PPP1R1C: variants seen among roughly 807,000 people sequenced by gnomAD.
PPP1R1C encodes protein phosphatase 1 regulatory inhibitor subunit 1C, also known as protein phosphatase 1 regulatory subunit 1C.
In PPP1R1C, 15 loss-of-function variants were observed where a neutral mutation model predicts 17.4. The ratio of observed to expected loss-of-function variants is 0.86; its 90% CI spans 0.58 to 1.33. The LOEUF (loss-of-function observed/expected upper bound fraction) is 1.33. Ranked by LOEUF, PPP1R1C falls within the 40% of genes most tolerant of loss-of-function variation. PPP1R1C has a pLI of 0.00. For missense variants in PPP1R1C, 143 were observed against 130.0 expected (o/e 1.10, Z -0.48); for synonymous variants, 35 against 43.1 (o/e 0.81, Z 0.73).
intron 2 of PPP1R1C, among the ~76,000 whole-genome samples, chr2:182,025,814 C>T (rs1276942240): frequency 6.9e-6 from 1 of 144,968 alleles, no homozygotes; most frequent in East Asian, 2.0e-4. Flanking sequence ...AACTAGTTTA[C>T]AGTCCCACCA....
At chr2:181,964,995 C>A (rs1054275389) in intron 1 of PPP1R1C, among the ~76,000 whole-genome samples, 1 of 152,202 alleles carries the variant, frequency 6.6e-6, no homozygotes, top group Non-Finnish European at 1.5e-5. Flanking sequence ...CGTGAGCCAT[C>A]GCACTCGGCC....
Position 181,962,180 on chromosome 2 carries a change from C to T in PPP1R1C, n.111+7546C>T, listed in dbSNP as rs542118568. The T allele has an allele frequency of 1.3e-5, 10 of 741,730 alleles. No individual in the cohort carries two copies. The highest frequency in any genetic ancestry group is 5.2e-4 in the Middle Eastern group (2 of 3,858). 45.9% of individuals were successfully genotyped at this position (741,730 alleles called of 1,614,324 possible). A position where few individuals can be genotyped will look rare whatever the true frequency, so the allele number is the denominator to read the frequency against. On this transcript the variant is annotated intron_variant and non_coding_transcript_variant, in intron 1 of 5. Coordinates refer to the PPP1R1C transcript ENST00000464264. The surrounding 1 kb of genome is among the most constrained non-coding windows in gnomAD (Gnocchi z 6.0). ...CAGCTTCCGGTTCTTGGTCTCCAGGCTCCTCACTCTGTCCAGGTAGGAGGC... is the reference window on the plus strand; with the variant it reads ...CAGCTTCCGGTTCTTGGTCTCCAGGTTCCTCACTCTGTCCAGGTAGGAGGC...
At chr2:182,055,803 T>C (rs1056505718) in intron 2 of PPP1R1C, among the ~76,000 whole-genome samples, 3 of 152,226 alleles carry the variant, frequency 2.0e-5, no homozygotes, top group Admixed American at 6.5e-5. Flanking sequence ...ACTGCTTTGA[T>C]GTTTTCAAAT....
intron 1 of PPP1R1C, among the ~76,000 whole-genome samples, chr2:181,974,659 T>A (rs530431105): frequency 2.0e-5 from 3 of 152,292 alleles, no homozygotes; most frequent in Admixed American, 2.0e-4. Flanking sequence ...TATGTGATTT[T>A]CAGAAACAAT....
At chr2:182,061,875 G>GGGAA (rs1160435044) in intron 3 of PPP1R1C, among the ~76,000 whole-genome samples, 1 of 152,020 alleles carries the variant, frequency 6.6e-6, no homozygotes, top group Admixed American at 6.6e-5. Context: ...AAAAGTCTGA[G>GGGAA]GCCAGAGTCT....
chr2:181,962,287 G>A lies in PPP1R1C; in HGVS notation n.111+7653G>A, dbSNP rs1684813271. 1.3e-6 allele frequency: 1 copy of A among 751,064 alleles called. No homozygotes were observed. Among genetic ancestry groups the A allele is most frequent in the East Asian group, 2.5e-5 (1 of 40,010 alleles). 46.5% of individuals were successfully genotyped at this position (751,064 alleles called of 1,614,324 possible). The stretch of plus-strand genomic sequence containing the variant: ...CTGCCAGACCCCCGGCCATCCCCGC[G>A]GCCAGGTCCCCGGACCCCATGCCAC... On this transcript the variant is annotated intron_variant and non_coding_transcript_variant, in intron 1 of 5. Coordinates refer to the PPP1R1C transcript ENST00000464264. The surrounding 1 kb of genome is among the most constrained non-coding windows in gnomAD (Gnocchi z 6.0).
rs771118537 is a variant in PPP1R1C, at chr2:182,077,116, C to G, written c.241+13325C>G. On this transcript the variant is annotated intron_variant, in intron 4 of 4. Transcript: ENST00000682840. ...TTTAGAAAATTACTACGTGAATACTCATTTGTGTAAATGAAAACGAAAACT... is the reference window on the plus strand; with the variant it reads ...TTTAGAAAATTACTACGTGAATACTGATTTGTGTAAATGAAAACGAAAACT... Among the ~76,000 whole-genome samples, 133 of 152,162 alleles carry G rather than the reference C, an allele frequency of 8.7e-4. 2 individuals carry two copies. Among genetic ancestry groups the G allele is most frequent in the Middle Eastern group, 3.2e-3 (1 of 316 alleles).
In PPP1R1C at chr2:182,076,181, C is replaced by CTTTTTTTTTTT. The variant is rs1319925818; in HGVS notation, c.241+12400_241+12401insTTTTTTTTTTT. Among the ~76,000 whole-genome samples, 9 of 47,482 alleles carry CTTTTTTTTTTT rather than the reference C, an allele frequency of 1.9e-4. 1 individual carries two copies. The highest frequency in any genetic ancestry group is 7.8e-4 in the African/African-American group (9 of 11,568). The allele number at this position is 47,482 out of a possible 152,430, so 31.2% of individuals were successfully genotyped here. A position where few individuals can be genotyped will look rare whatever the true frequency, so the allele number is the denominator to read the frequency against. On this transcript the variant is annotated intron_variant, in intron 4 of 4. Transcript: ENST00000682840. ...TTATCTATAAATCAAGGATTTTGAA[C>CTTTTTTTTTTT]TTTTTTTTTTCTTTTCTTTTTTTTT...
In PPP1R1C at chr2:182,005,245, T is replaced by G. The variant is rs115316454; in HGVS notation, c.142+17346T>G. Among the ~76,000 whole-genome samples, 678 of 152,306 alleles carry G rather than the reference T, an allele frequency of 4.5e-3. 4 individuals carry two copies. Among genetic ancestry groups the G allele is most frequent in the Middle Eastern group, 0.01 (3 of 294 alleles). On this transcript the variant is annotated intron_variant, in intron 2 of 4. Coordinates refer to ENST00000682840, the MANE Select transcript of PPP1R1C (RefSeq NM_001080545.3). ...TCATTAAAGTAAATTCAATTAGACA[T>G]GTACATCATTAGCTAAGCAATTTAG...
intron 2 of PPP1R1C, among the ~76,000 whole-genome samples, chr2:182,000,430 A>G (rs1362234429): frequency 6.6e-6 from 1 of 152,148 alleles, no homozygotes; most frequent in Non-Finnish European, 1.5e-5. Context: ...TGGCATTAGC[A>G]TGATCTGAGG....
At chr2:182,101,125 C>T (rs1689088085) in intron 4 of PPP1R1C, among the ~76,000 whole-genome samples, 5 of 152,156 alleles carry the variant, frequency 3.3e-5, no homozygotes, top group Admixed American at 6.5e-5. Flanking sequence ...ACAAGCCTTC[C>T]TTAGAAACTT....
chr2:181,962,654 G>T lies in PPP1R1C; in HGVS notation n.111+8020G>T, dbSNP rs138509748. Among the ~76,000 whole-genome samples, 2 of 152,204 alleles carry T rather than the reference G, an allele frequency of 1.3e-5. No homozygotes were observed. The highest frequency in any genetic ancestry group is 2.4e-5 in the African/African-American group (1 of 41,448). On this transcript the variant is annotated intron_variant and non_coding_transcript_variant, in intron 1 of 5. Transcript: ENST00000464264. The surrounding 1 kb of genome is among the most constrained non-coding windows in gnomAD (Gnocchi z 6.0). ...TTAAAGACTTTATTTGAATAATCTG[G>T]GTCCCACCCTCTAGCCTCAATAAGC...
chr2:182,058,793 T>C (rs1268125765), intron 2 of PPP1R1C, among the ~76,000 whole-genome samples: 3 of 152,160 alleles, frequency 2.0e-5, no homozygotes, highest in African/African-American at 7.2e-5. Context: ...CATGGCTCTT[T>C]AGGCTTTCCT....
chr2:181,978,942 A>C (rs1452194668), intron 2 of PPP1R1C, among the ~76,000 whole-genome samples: 1 of 152,132 alleles, frequency 6.6e-6, no homozygotes, highest in Non-Finnish European at 1.5e-5. Flanking sequence ...TGAGTAAAGA[A>C]GCCTCCAGAG....
At chr2:181,981,586 C>T (rs936192660), upstream of PPP1R1C, among the ~76,000 whole-genome samples, 1 of 152,154 alleles carries the variant, frequency 6.6e-6, no homozygotes, top group East Asian at 1.9e-4. Flanking sequence ...AGATAGGCCT[C>T]TTTGCCTCAA....
At chr2:182,025,196 A>T (rs982609229) in intron 2 of PPP1R1C, among the ~76,000 whole-genome samples, 2 of 145,794 alleles carry the variant, frequency 1.4e-5, no homozygotes, top group Non-Finnish European at 3.0e-5. Flanking sequence ...TATTATTATT[A>T]TTATTTATTT....
intron 1 of PPP1R1C, among the ~76,000 whole-genome samples, chr2:181,966,250 G>A (rs1225918493): frequency 6.6e-6 from 1 of 152,108 alleles, no homozygotes; most frequent in Non-Finnish European, 1.5e-5. Context: ...GTCATCTGCT[G>A]AGAAGGATGA....
At position 181,961,385 on chromosome 2, in the gene PPP1R1C, G is replaced by C. The variant is rs1384766016; in HGVS notation, n.111+6751G>C. On this transcript the variant is annotated intron_variant and non_coding_transcript_variant, in intron 1 of 5. Transcript: ENST00000464264. This position sits in a 1 kb window ranked among gnomAD's most constrained non-coding sequence, Gnocchi z 5.8. ...TCCAGCTTGACCTTGATGTTCAGCAGAGCCTCGTACTCCCCGATCTGGTGC... is the reference window on the plus strand; with the variant it reads ...TCCAGCTTGACCTTGATGTTCAGCACAGCCTCGTACTCCCCGATCTGGTGC... 1.4e-6 allele frequency: 1 copy of C among 717,708 alleles called. No individual in the cohort carries two copies. The highest frequency in any genetic ancestry group is 2.5e-6 in the Non-Finnish European group (1 of 397,286). 44.5% of individuals were successfully genotyped at this position (717,708 alleles called of 1,614,324 possible). A position where few individuals can be genotyped will look rare whatever the true frequency, so the allele number is the denominator to read the frequency against.
downstream of PPP1R1C, among the ~76,000 whole-genome samples, chr2:182,121,706 A>T (rs1689737211): frequency 6.6e-6 from 1 of 151,692 alleles, no homozygotes. Flanking sequence ...GTTTCGCCAT[A>T]TTGTCCAGGA....
Sources: allele counts gnomAD v4.1 joint callset (sites outside exome capture counted in the v4.1 genomes callset), GRCh38; gene constraint gnomAD v4.1.1; non-coding constraint Gnocchi (gnomAD v3.1); transcripts MANE v1.5; gene names NCBI Gene and HGNC (gene_info 2026-07-23, HGNC 2026-07-21).